The following EIF2A variants were observed in gnomAD, a reference collection of about 807,000 sequenced individuals.
The protein encoded by EIF2A is 65 kDa eukaryotic translation initiation factor 2A.
Under a neutral mutation model 75.2 loss-of-function variants are expected in EIF2A, and 62 were observed. The ratio of observed to expected loss-of-function variants is 0.82; its 90% confidence interval spans 0.67 to 1.02. The LOEUF is 1.02. Among genes scored for constraint, EIF2A ranks in the 50% least tolerant of loss-of-function variants. The pLI is 0.00. For synonymous variants in EIF2A, 207 were observed against 239.0 expected (o/e 0.87, Z 1.23); for missense variants, 611 against 677.7 (o/e 0.90, Z 1.09).
chr3:150,572,461 G>C lies in EIF2A; in HGVS notation c.1315G>C (p.Glu439Gln). 1.2e-6 allele frequency: 2 copies of C among 1,613,848 alleles called. No individual in the cohort carries two copies. Among genetic ancestry groups the C allele is most frequent in the Non-Finnish European group, 1.7e-6 (2 of 1,179,872 alleles). Reference protein sequence around the residue: ...QAVPSEVPNEEPKVATAYRPP... With the variant: ...QAVPSEVPNEQPKVATAYRPP... ...AGTTCCAAGTGAAGTACCCAATGAGGAACCTAAAGTTGCAACAGCTTATAG... is the reference window on the plus strand; with the variant it reads ...AGTTCCAAGTGAAGTACCCAATGAGCAACCTAAAGTTGCAACAGCTTATAG... The change falls in exon 10 of 14, where the codon GAA becomes CAA. Residue 439 changes from glutamate (E) to glutamine (Q), a missense_variant. Glu to Gln is a conservative substitution (Grantham distance 29). Coordinates refer to ENST00000460851, the MANE Select transcript of EIF2A (RefSeq NM_032025.5).
chr3:150,547,942 A>G (rs1160751199), intron 1 of EIF2A, among the ~76,000 whole-genome samples: 1 of 152,164 alleles, frequency 6.6e-6, no homozygotes, highest in Non-Finnish European at 1.5e-5. Flanking sequence ...CACAATTTTT[A>G]ATACTAAATG....
intron 3 of EIF2A, 85 bp downstream of exon 3, chr3:150,558,547 C>T (rs947953321): frequency 8.4e-6 from 10 of 1,188,292 alleles, no homozygotes; most frequent in Non-Finnish European, 1.0e-5. Flanking sequence ...ATTTGAGTGT[C>T]ATTAATAAAA....
At chr3:150,566,708 A>G (rs1384248505) in intron 6 of EIF2A, 1 of 152,220 alleles carries the variant, frequency 6.6e-6, no homozygotes, top group Non-Finnish European at 1.5e-5. Context: ...TCACATAAGT[A>G]TTCATTTGGT....
chr3:150,583,383 C>A, intron 13 of EIF2A, 118 bp downstream of exon 13: 2 of 838,172 alleles, frequency 2.4e-6, no homozygotes, highest in Non-Finnish European at 3.6e-6. Flanking sequence ...ATTTTGAAAA[C>A]CATATGCCAT....
chr3:150,570,754 C>T (rs10935808), intron 9 of EIF2A, among the ~76,000 whole-genome samples: 1 of 151,870 alleles, frequency 6.6e-6, no homozygotes, highest in African/African-American at 2.4e-5. Context: ...GAGGGGGAAG[C>T]CTGCATCATC....
In EIF2A at chr3:150,572,211, G is replaced by A. The variant is rs575136746; in HGVS notation, c.1065G>A (p.Pro355=). 16 of 1,613,852 alleles carry A rather than the reference G, an allele frequency of 9.9e-6. No homozygotes were observed. Among genetic ancestry groups the A allele is most frequent in the Admixed American group, 1.7e-5 (1 of 59,990 alleles). ...DVKNYKLISK[P]VASDSTYFAW... The stretch of plus-strand genomic sequence containing the variant: ...AAAACTACAAACTTATTTCTAAACC[G>A]GTGGCTTCTGATTCTACATATTTTG... The change falls in exon 10 of 14, where the codon CCG becomes CCA. Residue 355 remains proline (P), a synonymous_variant. Transcript: ENST00000460851.
chr3:150,562,480 T>C, intron 3 of EIF2A, 62 bp from the exon 4 acceptor site: 2 of 1,244,854 alleles, frequency 1.6e-6, no homozygotes, highest in Non-Finnish European at 2.3e-6. Context: ...ATGAATGTTT[T>C]GGTTAGTGTT....
intron 12 of EIF2A, 133 bp from the exon 13 acceptor site, chr3:150,583,067 A>AT: frequency 1.3e-6 from 1 of 760,032 alleles, no homozygotes. Flanking sequence ...TTATCCTAGC[A>AT]TTTTAACAGA....
intron 1 of EIF2A, among the ~76,000 whole-genome samples, chr3:150,551,625 A>C (rs1333546449): frequency 2.6e-5 from 4 of 151,996 alleles, no homozygotes; most frequent in Admixed American, 6.6e-5. Flanking sequence ...CTACTTGGGA[A>C]ACTGAGCCAG....
intron 2 of EIF2A, among the ~76,000 whole-genome samples, chr3:150,556,113 C>G (rs146295725): frequency 6.7e-4 from 102 of 152,234 alleles, no homozygotes; most frequent in African/African-American, 2.4e-3. Flanking sequence ...TCTGCAGATT[C>G]AAAGACAACC....
At chr3:150,562,719 GAA>G (rs5853483) in intron 4 of EIF2A, 59 bp downstream of exon 4, 16 of 1,262,282 alleles carry the variant, frequency 1.3e-5, no homozygotes, top group Admixed American at 8.1e-5. Flanking sequence ...TAGTGGGGGG[GAA>G]AAAGTTATAA....
At chr3:150,564,747 C>T in intron 6 of EIF2A, 1 of 184,348 alleles carries the variant, frequency 5.4e-6, no homozygotes, top group Non-Finnish European at 1.1e-5. Flanking sequence ...CTTATCTCAT[C>T]CATACATCTC....
intron 12 of EIF2A, among the ~76,000 whole-genome samples, chr3:150,581,985 C>T (rs1725207259): frequency 6.6e-6 from 1 of 152,006 alleles, no homozygotes; most frequent in African/African-American, 2.4e-5. Context: ...CAGTGTGCAT[C>T]AGCATAGAAA....
intron 11 of EIF2A, among the ~76,000 whole-genome samples, chr3:150,577,795 T>G (rs1724957860): frequency 6.6e-6 from 1 of 152,092 alleles, no homozygotes; most frequent in African/African-American, 2.4e-5. Flanking sequence ...TTTTGACAGG[T>G]CTAGGCTGGT....
chr3:150,563,835 T>G (rs1724015773), intron 5 of EIF2A, among the ~76,000 whole-genome samples: 1 of 152,222 alleles, frequency 6.6e-6, no homozygotes. Context: ...TTTGTTTGTT[T>G]GAGAGGGAGT....
chr3:150,583,689 C>CATT, intron 13 of EIF2A, among the ~76,000 whole-genome samples, 157 bp from the exon 14 acceptor site: 1 of 147,752 alleles, frequency 6.8e-6, no homozygotes, highest in Non-Finnish European at 1.5e-5. Flanking sequence ...CGATTCATAC[C>CATT]AGATAACAAA....
chr3:150,549,464 C>T (rs895201019), intron 1 of EIF2A, among the ~76,000 whole-genome samples: 5 of 152,294 alleles, frequency 3.3e-5, no homozygotes, highest in Admixed American at 1.3e-4. Flanking sequence ...GTGAGCCACA[C>T]GCCTCTGCCT....
chr3:150,583,155 A>G (rs1271268874), intron 12 of EIF2A, 45 bp from the exon 13 acceptor site: 11 of 1,553,308 alleles, frequency 7.1e-6, no homozygotes, highest in South Asian at 1.2e-5. Context: ...TTGCATTTGA[A>G]GTGACTTTTC....
intron 9 of EIF2A, among the ~76,000 whole-genome samples, chr3:150,569,349 TAAG>T (rs2107940765): frequency 6.6e-6 from 1 of 151,962 alleles, no homozygotes; most frequent in East Asian, 1.9e-4. Context: ...TGACCTTTAC[TAAG>T]AAGAATTATT....
Sources: gnomAD v4.1 joint callset for allele counts (sites outside exome capture counted in the v4.1 genomes callset) on GRCh38, gnomAD v4.1.1 for gene constraint, MANE v1.5 for transcripts, NCBI Gene and HGNC (gene_info 2026-07-23, HGNC 2026-07-21) for gene names.